Variants in KIAA0825 observed in about 807,000 individuals in gnomAD.
KIAA0825 encodes KIAA0825.
KIAA0825 carries 119 observed loss-of-function variants against 147.6 expected under a neutral mutation model. The ratio of observed to expected loss-of-function variants is 0.81; its 90% confidence interval spans 0.69 to 0.94. The LOEUF (loss-of-function observed/expected upper bound fraction) is 0.94. KIAA0825 is among the 40% of genes least tolerant of loss of function. The probability of loss-of-function intolerance (pLI) is 0.00; values close to 1 mark genes in which losing one functional copy is unlikely to be tolerated. For synonymous variants in KIAA0825, 470 were observed against 518.1 expected (o/e 0.91, Z 1.26); for missense variants, 1,381 against 1,472.7 (o/e 0.94, Z 1.02).
intron 13 of KIAA0825, among the ~76,000 whole-genome samples, chr5:94,444,243 G>T (rs1361914662): frequency 1.3e-5 from 2 of 152,040 alleles, no homozygotes; most frequent in East Asian, 3.8e-4. Context: ...CCTCTACCAG[G>T]GGGACCATTT....
chr5:94,352,341 G>C lies in KIAA0825; in HGVS notation c.3710+32027C>G, dbSNP rs188380482. ...AAATGCTCAGCATCACTAATGATCA[G>C]GGAAATACAAATCAAAACCACAATG... On this transcript the variant is annotated intron_variant, in intron 20 of 20. Coordinates refer to ENST00000682413, the MANE Select transcript of KIAA0825 (RefSeq NM_001145678.3). Among the ~76,000 whole-genome samples the C allele has an allele frequency of 1.3e-3, 195 of 152,264 alleles. 1 individual carries two copies. Among genetic ancestry groups the C allele is most frequent in the Admixed American group, 3.5e-3 (54 of 15,296 alleles).
intron 1 of KIAA0825, among the ~76,000 whole-genome samples, chr5:94,598,183 AAC>A (rs1433997084): frequency 3.3e-5 from 5 of 152,148 alleles, no homozygotes; most frequent in African/African-American, 7.2e-5. Flanking sequence ...GTTAGCATAA[AAC>A]ACAATGTACA....
chr5:94,336,577 C>A (rs185595979), intron 20 of KIAA0825, among the ~76,000 whole-genome samples: 224 of 152,196 alleles, frequency 1.5e-3, no homozygotes, highest in African/African-American at 5.2e-3. Flanking sequence ...CATGTCCCTG[C>A]AAAGGACAAG....
intron 2 of KIAA0825, among the ~76,000 whole-genome samples, chr5:94,542,461 T>C (rs777412838): frequency 6.6e-5 from 10 of 152,216 alleles, no homozygotes; most frequent in African/African-American, 2.4e-4. Flanking sequence ...TGGAAACTAT[T>C]TGTGAATGTT....
chr5:94,233,843 C>A (rs544919125), intron 20 of KIAA0825, among the ~76,000 whole-genome samples: 1 of 152,254 alleles, frequency 6.6e-6, no homozygotes, highest in South Asian at 2.1e-4. Flanking sequence ...TTTATTTCTC[C>A]AAGTACTCTC....
intron 20 of KIAA0825, among the ~76,000 whole-genome samples, chr5:94,332,693 ATG>A (rs1562386661): frequency 6.6e-6 from 1 of 152,154 alleles, no homozygotes; most frequent in East Asian, 1.9e-4. Flanking sequence ...ATACGTGTGC[ATG>A]TGTCTTTTTA....
chr5:94,537,569 T>G (rs1172560576), intron 2 of KIAA0825, among the ~76,000 whole-genome samples: 2 of 135,838 alleles, frequency 1.5e-5, no homozygotes, highest in East Asian at 4.0e-4. Flanking sequence ...AAGAATGGTG[T>G]GAACCCAGAT....
intron 20 of KIAA0825, among the ~76,000 whole-genome samples, chr5:94,197,953 T>G (rs13181660): frequency 6.6e-6 from 1 of 152,230 alleles, no homozygotes; most frequent in African/African-American, 2.4e-5. Flanking sequence ...GGCTATTTGG[T>G]TTCTTGTTCA....
chr5:94,537,167 C>G (rs886210360), intron 2 of KIAA0825, 40 bp from the exon 3 acceptor site: 2 of 1,550,596 alleles, frequency 1.3e-6, no homozygotes, highest in Non-Finnish European at 1.8e-6. Context: ...GTCAGTTCCC[C>G]CACAATGGCC....
chr5:94,166,288 T>G (rs942830043), intron 20 of KIAA0825, among the ~76,000 whole-genome samples: 1 of 152,200 alleles, frequency 6.6e-6, no homozygotes, highest in East Asian at 1.9e-4. Flanking sequence ...ACTAAATAAT[T>G]ATTCTAAATC....
chr5:94,312,386 C>G (rs890156404), intron 20 of KIAA0825, among the ~76,000 whole-genome samples: 6 of 151,720 alleles, frequency 4.0e-5, no homozygotes, highest in Non-Finnish European at 8.9e-5. Flanking sequence ...TTCCTTTGGA[C>G]TTGTTATGAT....
chr5:94,154,677 A>G (rs1344369187), intron 20 of KIAA0825, among the ~76,000 whole-genome samples: 2 of 152,222 alleles, frequency 1.3e-5, no homozygotes, highest in Non-Finnish European at 2.9e-5. Context: ...CAAGGTTCCA[A>G]AGAACATTTA....
chr5:94,182,195 C>T lies in KIAA0825; in HGVS notation c.3711-28071G>A, dbSNP rs547836233. Among the ~76,000 whole-genome samples the T allele has an allele frequency of 3.5e-5, 5 of 142,880 alleles. No individual in the cohort carries two copies. In the East Asian group the frequency reaches 1.0e-3, roughly 30 times the overall value. The allele number at this position is 142,880 out of a possible 152,430, so 93.7% of individuals were successfully genotyped here. On this transcript the variant is annotated intron_variant, in intron 20 of 20. Transcript: ENST00000682413. ...TTCAGCTGTTCATACCAAGGAAGAG[C>T]TGATTATTTCCTGTGAATTATTCAT... is the stretch of plus-strand genomic sequence containing the variant.
At chr5:94,365,444 T>A (rs898844895) in intron 20 of KIAA0825, among the ~76,000 whole-genome samples, 1 of 152,230 alleles carries the variant, frequency 6.6e-6, no homozygotes, top group African/African-American at 2.4e-5. Flanking sequence ...ATACTGGTGA[T>A]TCCATGTCTA....
intron 5 of KIAA0825, among the ~76,000 whole-genome samples, chr5:94,516,408 A>T (rs919871532): frequency 6.6e-6 from 1 of 152,246 alleles, no homozygotes; most frequent in Non-Finnish European, 1.5e-5. Context: ...GTCTGAGTTA[A>T]TAACACTAGC....
At chr5:94,504,093 A>T (rs188516413) in intron 5 of KIAA0825, among the ~76,000 whole-genome samples, 14 of 152,360 alleles carry the variant, frequency 9.2e-5, no homozygotes, top group Admixed American at 8.5e-4. Flanking sequence ...AGAGGATATT[A>T]TCAGAGCCCT....
At chr5:94,451,153 T>C (rs1758351450) in intron 13 of KIAA0825, among the ~76,000 whole-genome samples, 1 of 152,218 alleles carries the variant, frequency 6.6e-6, no homozygotes, top group African/African-American at 2.4e-5. Flanking sequence ...AATTTCATCA[T>C]TACTAATCTC....
intron 20 of KIAA0825, among the ~76,000 whole-genome samples, chr5:94,271,573 C>G (rs1335214953): frequency 6.6e-6 from 1 of 151,980 alleles, no homozygotes; most frequent in African/African-American, 2.4e-5. Context: ...CATGGTGAAA[C>G]CCTGTCTCTA....
chr5:94,332,948 G>A (rs1395055038), intron 20 of KIAA0825, among the ~76,000 whole-genome samples: 2 of 152,054 alleles, frequency 1.3e-5, no homozygotes, highest in Non-Finnish European at 2.9e-5. Flanking sequence ...TCTCATTGTG[G>A]TTTTGATTTG....
Sources: gnomAD v4.1 joint callset for allele counts (sites outside exome capture counted in the v4.1 genomes callset) on GRCh38, gnomAD v4.1.1 for gene constraint, MANE v1.5 for transcripts, NCBI Gene and HGNC (gene_info 2026-07-23, HGNC 2026-07-21) for gene names.